MGLL: variants seen among roughly 807,000 people sequenced by gnomAD.
MGLL encodes the protein lysophospholipase homolog.
Under a neutral mutation model 29.1 loss-of-function variants are expected in MGLL, and 7 were observed. The ratio of observed to expected loss-of-function variants is 0.24; its 90% CI spans 0.14 to 0.45. MGLL has a LOEUF of 0.45. Among genes scored for constraint, MGLL ranks in the 20% least tolerant of loss-of-function variants. MGLL has a pLI of 0.99. For synonymous variants in MGLL, 148 were observed against 168.3 expected, an observed-to-expected ratio of 0.88 and a Z score of 0.93; for missense variants, 356 against 413.6, an observed-to-expected ratio of 0.86 and a Z score of 1.21.
intron 3 of MGLL, among the ~76,000 whole-genome samples, chr3:127,772,124 C>T (rs555031718): frequency 1.3e-5 from 2 of 152,326 alleles, no homozygotes; most frequent in Non-Finnish European, 1.5e-5. Context: ...CTGCATACTT[C>T]ACCTCATTGA....
intron 3 of MGLL, among the ~76,000 whole-genome samples, chr3:127,749,705 G>C (rs1340727298): frequency 6.6e-6 from 1 of 152,174 alleles, no homozygotes; most frequent in African/African-American, 2.4e-5. Context: ...TTGTCATGGT[G>C]GGGGTCAGAC....
chr3:127,728,385 C>G (rs1466475144), intron 3 of MGLL, among the ~76,000 whole-genome samples: 3 of 152,174 alleles, frequency 2.0e-5, no homozygotes, highest in Non-Finnish European at 2.9e-5. Context: ...ATCTATTTAT[C>G]CATCCACCCA....
chr3:127,770,103 T>C (rs2076924748), intron 3 of MGLL, among the ~76,000 whole-genome samples: 1 of 152,132 alleles, frequency 6.6e-6, no homozygotes, highest in African/African-American at 2.4e-5. Context: ...ACTTCCTAAA[T>C]CCTCAATCTC....
At chr3:127,698,563 C>A (rs1311608346) in intron 6 of MGLL, among the ~76,000 whole-genome samples, 5 of 152,132 alleles carry the variant, frequency 3.3e-5, no homozygotes, top group African/African-American at 1.2e-4. Context: ...AGACCAGACT[C>A]ACGGCTCTCA....
rs543413877 is a variant in MGLL at position 127,818,515 on chromosome 3, C to A, written c.155+3179G>T. Reference sequence around the variant, plus strand: ...TGTACCACGGAACCCAGCTGATTTCCCACCTTTGATATATTATGAGCAAAC... The same window carrying A: ...TGTACCACGGAACCCAGCTGATTTCACACCTTTGATATATTATGAGCAAAC... On this transcript the variant is annotated intron_variant, in intron 2 of 7. Coordinates refer to ENST00000265052, the MANE Select transcript of MGLL (RefSeq NM_007283.7). 6.6e-5 allele frequency among the ~76,000 whole-genome samples: 10 copies of A among 152,170 alleles called. No homozygotes were observed. In the East Asian group the frequency reaches 1.9e-3, roughly 29 times the overall value.
intron 5 of MGLL, chr3:127,715,701 G>A (rs1193894506): frequency 2.2e-6 from 1 of 456,752 alleles, no homozygotes; most frequent in Non-Finnish European, 4.4e-6. Flanking sequence ...GCATGACGAG[G>A]AAGCAGTGGG....
At chr3:127,714,816 T>G (rs1199736876) in intron 5 of MGLL, among the ~76,000 whole-genome samples, 1 of 152,150 alleles carries the variant, frequency 6.6e-6, no homozygotes, top group Non-Finnish European at 1.5e-5. Context: ...TGAAGGAGAC[T>G]TCTAGAGTCC....
At chr3:127,735,679 G>A (rs2076229338) in intron 3 of MGLL, 1 of 1,583,824 alleles carries the variant, frequency 6.3e-7, no homozygotes, top group East Asian at 2.2e-5. Context: ...AGTTGTTGGG[G>A]GAATAAATGA....
chr3:127,776,312 A>G (rs1288849705), intron 3 of MGLL, among the ~76,000 whole-genome samples: 2 of 149,954 alleles, frequency 1.3e-5, no homozygotes, highest in African/African-American at 4.9e-5. Context: ...CACCTCGTGT[A>G]TCTTTTAAAA....
Position 127,695,000 on chromosome 3 carries a change from G to T in MGLL, c.791C>A (p.Ala264Asp), listed in dbSNP as rs1323739337. The change falls in exon 7 of 8, where the codon GCC (alanine) becomes GAC (aspartate). Residue 264 changes from alanine to aspartate, a missense_variant. Coordinates refer to ENST00000265052, the MANE Select transcript of MGLL (RefSeq NM_007283.7). ...SKGAYLLMEL[A>D]KSQDKTLKIY... is the part of the protein sequence containing the mutation. ...CTTGAGAGTCTTGTCCTGGCTCTTG[G>T]CTAACTCCATGAGCAGGTAGGCCCC... The T allele has an allele frequency of 6.2e-7, 1 of 1,613,926 alleles. No homozygotes were observed.
At chr3:127,771,830 C>T (rs527831547) in intron 3 of MGLL, among the ~76,000 whole-genome samples, 10 of 152,230 alleles carry the variant, frequency 6.6e-5, no homozygotes, top group South Asian at 4.1e-4. Context: ...GGTAACATAG[C>T]GTATGTTGAG....
intron 6 of MGLL, among the ~76,000 whole-genome samples, chr3:127,709,632 T>A (rs67290978): frequency 0.11 from 16,086 of 152,190 alleles, 939 homozygotes; most frequent in African/African-American, 0.16. Flanking sequence ...AGGGAGCCAG[T>A]GATTCAGTGA....
chr3:127,819,894 T>A (rs1347591606), intron 2 of MGLL, among the ~76,000 whole-genome samples: 1 of 151,878 alleles, frequency 6.6e-6, no homozygotes, highest in Non-Finnish European at 1.5e-5. Context: ...AGGGTTAACA[T>A]GAGTCATGGC....
At chr3:127,717,749 G>T (rs1184318552) in intron 5 of MGLL, among the ~76,000 whole-genome samples, 1 of 152,182 alleles carries the variant, frequency 6.6e-6, no homozygotes. Context: ...CCCAGAGAAA[G>T]GAGGGGCCCT....
chr3:127,786,326 C>A (rs1376615663), intron 2 of MGLL, among the ~76,000 whole-genome samples: 1 of 152,246 alleles, frequency 6.6e-6, no homozygotes, highest in Non-Finnish European at 1.5e-5. Flanking sequence ...TCTGCAACCT[C>A]AACAACAGGC....
At chr3:127,769,550 C>T (rs1295974599) in intron 3 of MGLL, among the ~76,000 whole-genome samples, 3 of 152,214 alleles carry the variant, frequency 2.0e-5, no homozygotes, top group Non-Finnish European at 4.4e-5. Flanking sequence ...GATGGCAAGG[C>T]CCAGGGAGGC....
chr3:127,694,135 T>C (rs778183233), intron 7 of MGLL, among the ~76,000 whole-genome samples: 11 of 151,762 alleles, frequency 7.2e-5, no homozygotes, highest in Non-Finnish European at 1.3e-4. Context: ...CCGGGCAGGG[T>C]GGCAGGCGCC....
chr3:127,725,870 G>A (rs1476661204), intron 3 of MGLL, among the ~76,000 whole-genome samples: 1 of 151,954 alleles, frequency 6.6e-6, no homozygotes, highest in East Asian at 1.9e-4. Context: ...GTTCACAATT[G>A]GCCTGGGCAA....
intron 3 of MGLL, among the ~76,000 whole-genome samples, chr3:127,746,755 C>T (rs1027867231): frequency 2.6e-5 from 4 of 152,192 alleles, no homozygotes; most frequent in African/African-American, 4.8e-5. Flanking sequence ...GCCTCCCTCT[C>T]GTCTACTGGG....
Sources: gnomAD v4.1 joint callset for allele counts (sites outside exome capture counted in the v4.1 genomes callset) on GRCh38, gnomAD v4.1.1 for gene constraint, MANE v1.5 for transcripts, NCBI Gene and HGNC (gene_info 2026-07-23, HGNC 2026-07-21) for gene names.